KANSL1L: variants seen among roughly 807,000 people sequenced by gnomAD.
KANSL1L encodes the protein KAT8 regulatory NSL complex subunit 1-like protein.
In KANSL1L, 25 loss-of-function variants were observed where a neutral mutation model predicts 108.6. The observed-to-expected ratio is 0.23, with a 90% CI of 0.17 to 0.32. KANSL1L has a LOEUF of 0.32. Ranked by LOEUF, KANSL1L falls within the 10% of genes least tolerant of loss-of-function variation. KANSL1L has a pLI of 1.00. For synonymous variants in KANSL1L, 405 were observed against 395.1 expected, an observed-to-expected ratio of 1.03 and a Z score of -0.30; for missense variants, 1,137 against 1,125.7, an observed-to-expected ratio of 1.01 and a Z score of -0.14.
At chr2:210,025,753 C>T (rs757362233) in intron 12 of KANSL1L, among the ~76,000 whole-genome samples, 5 of 152,094 alleles carry the variant, frequency 3.3e-5, no homozygotes, top group Admixed American at 6.6e-5. Context: ...CTCTGTCGCC[C>T]AGGCTGTAGT....
At chr2:210,060,267 T>C (rs2094405513) in intron 6 of KANSL1L, among the ~76,000 whole-genome samples, 2 of 152,126 alleles carry the variant, frequency 1.3e-5, no homozygotes, top group South Asian at 4.1e-4. Context: ...TGAGAATCTA[T>C]GAAATAACAA....
intron 6 of KANSL1L, among the ~76,000 whole-genome samples, chr2:210,067,997 C>A (rs1349143307): frequency 6.6e-6 from 1 of 152,044 alleles, no homozygotes; most frequent in East Asian, 1.9e-4. Flanking sequence ...CCTGCCTCAG[C>A]CTCCCAAGTA....
chr2:210,131,549 G>A (rs906955495), intron 2 of KANSL1L, among the ~76,000 whole-genome samples: 1 of 151,674 alleles, frequency 6.6e-6, no homozygotes, highest in Non-Finnish European at 1.5e-5. Flanking sequence ...TTGTACTTCT[G>A]GTAAAGATAT....
At chr2:210,023,462 G>C (rs755447462) in intron 14 of KANSL1L, among the ~76,000 whole-genome samples, 1 of 152,090 alleles carries the variant, frequency 6.6e-6, no homozygotes, top group Non-Finnish European at 1.5e-5. Flanking sequence ...TTGGGAAAGT[G>C]TTCTTAGGTT....
intron 3 of KANSL1L, among the ~76,000 whole-genome samples, chr2:210,108,760 A>G (rs992595318): frequency 6.6e-6 from 1 of 152,160 alleles, no homozygotes; most frequent in African/African-American, 2.4e-5. Flanking sequence ...TAACTAATAA[A>G]CTTTCATCAG....
intron 8 of KANSL1L, chr2:210,032,672 A>G (rs2094035599): frequency 6.6e-6 from 1 of 152,202 alleles, no homozygotes; most frequent in African/African-American, 2.4e-5. Context: ...CCATCCCCAA[A>G]TTAGTCTGAA....
chr2:210,132,102 G>A (rs1311474168), intron 2 of KANSL1L, among the ~76,000 whole-genome samples: 3 of 151,942 alleles, frequency 2.0e-5, no homozygotes, highest in African/African-American at 7.3e-5. Context: ...TTGCTTCCTA[G>A]AAAACATGTT....
intron 6 of KANSL1L, 25 bp downstream of exon 6, chr2:210,075,527 G>A (rs1366406650): frequency 6.7e-7 from 1 of 1,497,252 alleles, no homozygotes; most frequent in African/African-American, 1.4e-5. Flanking sequence ...CTTTGATCAT[G>A]TTTTCTTCCC....
rs1321277078 is a variant in KANSL1L, at chr2:210,044,082, G to C, written c.1778C>G (p.Ala593Gly). 2 of 1,587,808 alleles carry C rather than the reference G, an allele frequency of 1.3e-6. No individual in the cohort carries two copies. Among genetic ancestry groups the C allele is most frequent in the Non-Finnish European group, 1.7e-6 (2 of 1,168,320 alleles). ...AGGCATTTGTGTAGTGTTTAAAAAT[G>C]CTGTTTCTTTTGAAGGCAAAGTCTG... ...TPQTLPSKET[A>G]FLNTTQMPCL... is the part of the protein sequence containing the mutation. The change falls in exon 7 of 15, where the codon GCA becomes GGA. Residue 593 changes from alanine to glycine, a missense_variant. By Grantham distance (60) the Ala-to-Gly change is moderately conservative. Coordinates refer to ENST00000281772, the MANE Select transcript of KANSL1L (RefSeq NM_152519.4). The surrounding 1 kb of genome is among the most constrained non-coding windows in gnomAD (Gnocchi z 4.2).
At chr2:210,092,033 C>T (rs2094696799) in intron 5 of KANSL1L, among the ~76,000 whole-genome samples, 1 of 152,194 alleles carries the variant, frequency 6.6e-6, no homozygotes, top group Non-Finnish European at 1.5e-5. Context: ...AGTCAGCTAT[C>T]CGTCTAACTA....
At chr2:210,039,004 A>G (rs1021653143) in intron 8 of KANSL1L, among the ~76,000 whole-genome samples, 4 of 151,972 alleles carry the variant, frequency 2.6e-5, no homozygotes, top group Admixed American at 6.5e-5. Context: ...TCAACATGGT[A>G]GGAAATACCA....
intron 3 of KANSL1L, among the ~76,000 whole-genome samples, chr2:210,109,986 T>A (rs1191238915): frequency 6.6e-6 from 1 of 152,196 alleles, no homozygotes. Flanking sequence ...AAAGGCTTTT[T>A]ATAGGCCAAG....
chr2:210,130,905 G>GA (rs1426631556), intron 2 of KANSL1L, among the ~76,000 whole-genome samples: 1 of 149,958 alleles, frequency 6.7e-6, no homozygotes, highest in Non-Finnish European at 1.5e-5. Flanking sequence ...AGTAGGAAAT[G>GA]AAAAAAAAGT....
intron 6 of KANSL1L, among the ~76,000 whole-genome samples, chr2:210,053,355 G>C (rs2094314096): frequency 6.6e-6 from 1 of 152,144 alleles, no homozygotes; most frequent in Non-Finnish European, 1.5e-5. Flanking sequence ...ACAACACTTT[G>C]GGAGGCCGAG....
chr2:210,121,642 TTAAAA>T (rs1343728304), intron 3 of KANSL1L, among the ~76,000 whole-genome samples: 13 of 152,042 alleles, frequency 8.6e-5, no homozygotes, highest in African/African-American at 2.9e-4. Flanking sequence ...ACCCCTGAAC[TTAAAA>T]TAAAAGTTTA....
chr2:210,158,490 T>A (rs914352782), intron 1 of KANSL1L, among the ~76,000 whole-genome samples: 1 of 152,176 alleles, frequency 6.6e-6, no homozygotes, highest in Non-Finnish European at 1.5e-5. Context: ...TAAGCTTACA[T>A]GCCTACATTC....
intron 4 of KANSL1L, among the ~76,000 whole-genome samples, chr2:210,101,291 G>GT (rs1039610995): frequency 1.3e-5 from 2 of 152,112 alleles, no homozygotes; most frequent in African/African-American, 4.8e-5. Flanking sequence ...ATTCATAACT[G>GT]TTTTTAACAA....
chr2:210,087,699 G>C (rs987119458), intron 5 of KANSL1L, among the ~76,000 whole-genome samples: 3 of 152,166 alleles, frequency 2.0e-5, no homozygotes, highest in African/African-American at 7.2e-5. Context: ...TGAAGCTTAT[G>C]TTCAAGTCCA....
At chr2:210,054,461 G>T (rs531846301) in intron 6 of KANSL1L, among the ~76,000 whole-genome samples, 1 of 152,206 alleles carries the variant, frequency 6.6e-6, no homozygotes, top group Non-Finnish European at 1.5e-5. Context: ...TTGCTGGTGG[G>T]AATGTAATTT....
Sources: gnomAD v4.1 joint callset for allele counts (sites outside exome capture counted in the v4.1 genomes callset) on GRCh38, gnomAD v4.1.1 for gene constraint, Gnocchi (gnomAD v3.1) non-coding constraint, MANE v1.5 for transcripts, NCBI Gene and HGNC (gene_info 2026-07-23, HGNC 2026-07-21) for gene names.